The following KCNU1 variants were observed in gnomAD, a reference collection of about 807,000 sequenced individuals.
KCNU1 encodes potassium calcium-activated channel subfamily U member 1.
KCNU1 carries 93 observed loss-of-function variants against 126.8 expected under a neutral mutation model. That is an observed-to-expected ratio of 0.73 (90% CI 0.62 to 0.87). KCNU1 has a LOEUF of 0.87. Among genes scored for constraint, KCNU1 ranks in the 40% least tolerant of loss-of-function variants. The pLI is 0.00. For synonymous variants in KCNU1, 523 were observed against 494.2 expected (o/e 1.06, Z -0.77); for missense variants, 1,330 against 1,367.1 (o/e 0.97, Z 0.43).
chr8:36,825,071 C>G (rs141642209), intron 10 of KCNU1, among the ~76,000 whole-genome samples: 1,937 of 152,276 alleles, frequency 0.013, 20 homozygotes, highest in Middle Eastern at 0.02. Flanking sequence ...ACCAGTATCC[C>G]TGAGAGTTCC....
intron 12 of KCNU1, among the ~76,000 whole-genome samples, chr8:36,835,353 T>C (rs199839277): frequency 2.7e-5 from 4 of 146,404 alleles, no homozygotes; most frequent in Non-Finnish European, 5.9e-5. Context: ...CTTTTCTTTT[T>C]TTTTTTTTGA....
chr8:36,817,951 T>C (rs1803982434), intron 10 of KCNU1, among the ~76,000 whole-genome samples, 191 bp downstream of exon 10: 2 of 152,232 alleles, frequency 1.3e-5, no homozygotes, highest in Non-Finnish European at 2.9e-5. Flanking sequence ...TCTTGTCAGA[T>C]GTTTTTCTGC....
At chr8:36,898,007 C>T (rs1437798096) in intron 19 of KCNU1, among the ~76,000 whole-genome samples, 1 of 152,080 alleles carries the variant, frequency 6.6e-6, no homozygotes, top group Non-Finnish European at 1.5e-5. Context: ...CCTGTATTCA[C>T]AGGCTTTCCT....
At chr8:36,799,240 T>G (rs752107220) in intron 2 of KCNU1, among the ~76,000 whole-genome samples, 1 of 152,180 alleles carries the variant, frequency 6.6e-6, no homozygotes, top group Admixed American at 6.6e-5. Flanking sequence ...CTTACTCTCT[T>G]TAGTTTGCAG....
chr8:36,827,140 C>T (rs1160207793), intron 10 of KCNU1, among the ~76,000 whole-genome samples: 1 of 152,152 alleles, frequency 6.6e-6, no homozygotes, highest in Non-Finnish European at 1.5e-5. Flanking sequence ...ATGTTACCTT[C>T]TTCCAGAGAG....
At chr8:36,872,425 C>T (rs185395694) in intron 19 of KCNU1, among the ~76,000 whole-genome samples, 8 of 152,172 alleles carry the variant, frequency 5.3e-5, no homozygotes, top group South Asian at 2.1e-4. Context: ...AGGGGGACGC[C>T]GCCCCGCCCT....
At chr8:36,932,414 G>C (rs1808729301) in intron 25 of KCNU1, among the ~76,000 whole-genome samples, 1 of 152,022 alleles carries the variant, frequency 6.6e-6, no homozygotes, top group Non-Finnish European at 1.5e-5. Context: ...TTTTGATCTT[G>C]CTGAGCCCAT....
At chr8:36,826,824 G>A (rs1286504931) in intron 10 of KCNU1, among the ~76,000 whole-genome samples, 2 of 151,976 alleles carry the variant, frequency 1.3e-5, no homozygotes, top group African/African-American at 4.8e-5. Flanking sequence ...CATCACCCAG[G>A]TATTAACCCC....
intron 19 of KCNU1, among the ~76,000 whole-genome samples, chr8:36,866,686 T>C (rs903075479): frequency 3.9e-5 from 6 of 152,136 alleles, no homozygotes; most frequent in Admixed American, 2.0e-4. Flanking sequence ...CCATGCTTGA[T>C]GCTTTTGTAA....
At chr8:36,875,743 T>G (rs1202540390) in intron 19 of KCNU1, among the ~76,000 whole-genome samples, 2 of 152,200 alleles carry the variant, frequency 1.3e-5, no homozygotes, top group Non-Finnish European at 2.9e-5. Flanking sequence ...TGAAAAATAT[T>G]TTCGTGCAGA....
In KCNU1 at chr8:36,836,303, T is replaced by A; in HGVS notation, c.1303T>A (p.Ser435Thr). ...EDISNIMRVL[S>T]IKNYDSTTRI... Reference sequence around the variant, plus strand: ...TGTTTGGGGTTTATATAGGGTGCTCTCTATCAAGAACTATGATTCTACCAC... The same window carrying A: ...TGTTTGGGGTTTATATAGGGTGCTCACTATCAAGAACTATGATTCTACCAC... The change falls in exon 13 of 27, where the codon TCT becomes ACT. Residue 435 changes from serine to threonine, a missense_variant. Physicochemically the swap from Ser to Thr is moderately conservative, Grantham distance 58. Transcript: ENST00000399881. The A allele has an allele frequency of 6.2e-7, 1 of 1,602,804 alleles. No homozygotes were observed. The highest frequency in any genetic ancestry group is 8.5e-7 in the Non-Finnish European group (1 of 1,170,402).
chr8:36,812,794 A>G (rs1803772217), intron 7 of KCNU1, among the ~76,000 whole-genome samples: 1 of 152,174 alleles, frequency 6.6e-6, no homozygotes. Context: ...CCATAAACTA[A>G]AGAGATACTG....
chr8:36,838,841 T>G (rs1263372802), intron 14 of KCNU1, among the ~76,000 whole-genome samples: 1 of 152,176 alleles, frequency 6.6e-6, no homozygotes, highest in Non-Finnish European at 1.5e-5. Flanking sequence ...TTTTTTTGAG[T>G]GAAGTCTGAA....
chr8:36,810,041 C>G (rs1003839491), intron 7 of KCNU1, among the ~76,000 whole-genome samples: 3 of 152,088 alleles, frequency 2.0e-5, no homozygotes, highest in Admixed American at 1.3e-4. Flanking sequence ...ATCACGAGGT[C>G]GAGAGATCAA....
At chr8:36,886,728 T>G (rs1172409194) in intron 19 of KCNU1, among the ~76,000 whole-genome samples, 1 of 152,252 alleles carries the variant, frequency 6.6e-6, no homozygotes, top group Non-Finnish European at 1.5e-5. Context: ...AAGTCTGAAA[T>G]TTTAGTGTAC....
intron 19 of KCNU1, among the ~76,000 whole-genome samples, chr8:36,867,267 G>T (rs1191385729): frequency 6.6e-6 from 1 of 152,106 alleles, no homozygotes; most frequent in African/African-American, 2.4e-5. Context: ...TTGGGGGTGG[G>T]ATTTAGAAAG....
intron 18 of KCNU1, among the ~76,000 whole-genome samples, chr8:36,847,795 T>A (rs1277085034): frequency 6.6e-6 from 1 of 152,238 alleles, no homozygotes; most frequent in East Asian, 1.9e-4. Flanking sequence ...GCAGATATCT[T>A]TTTGATACAC....
chr8:36,884,361 G>C (rs531851922), intron 19 of KCNU1, among the ~76,000 whole-genome samples: 2 of 152,230 alleles, frequency 1.3e-5, no homozygotes, highest in South Asian at 4.1e-4. Context: ...ATAATGACCC[G>C]TGAAGCAAAT....
chr8:36,851,781 A>T (rs1805357615), intron 18 of KCNU1, among the ~76,000 whole-genome samples: 2 of 152,162 alleles, frequency 1.3e-5, no homozygotes, highest in African/African-American at 4.8e-5. Context: ...ATATACAGGT[A>T]TAATTGATTT....
Sources: allele counts gnomAD v4.1 joint callset (sites outside exome capture counted in the v4.1 genomes callset), GRCh38; gene constraint gnomAD v4.1.1; transcripts MANE v1.5; gene names NCBI Gene and HGNC (gene_info 2026-07-23, HGNC 2026-07-21).